Variants in UBR1 observed in about 807,000 individuals in gnomAD.
The protein encoded by UBR1 is ubiquitin protein ligase E3 component n-recognin 1, also known as E3 ubiquitin-protein ligase UBR1.
In UBR1, 102 loss-of-function variants were observed where a neutral mutation model predicts 242.1. The observed-to-expected ratio is 0.42, with a 90% CI of 0.36 to 0.50. The LOEUF (loss-of-function observed/expected upper bound fraction) is 0.50. UBR1 is among the 20% of genes least tolerant of loss of function. The probability of loss-of-function intolerance (pLI) is 0.01; values close to 1 mark genes in which losing one functional copy is unlikely to be tolerated. For synonymous variants in UBR1, 675 were observed against 684.8 expected (o/e 0.99, Z 0.22); for missense variants, 1,772 against 2,101.8 (o/e 0.84, Z 3.07).
At chr15:43,098,493 T>C (rs1047471188) in intron 1 of UBR1, among the ~76,000 whole-genome samples, 5 of 152,174 alleles carry the variant, frequency 3.3e-5, no homozygotes, top group African/African-American at 1.2e-4. Context: ...CTCAATAAAA[T>C]AAGGTATGCC....
At chr15:43,090,274 T>C (rs918875173) in intron 1 of UBR1, among the ~76,000 whole-genome samples, 3 of 152,156 alleles carry the variant, frequency 2.0e-5, no homozygotes, top group East Asian at 1.9e-4. Flanking sequence ...TACATTTACA[T>C]AGAGAAAAAT....
chr15:42,976,330 A>T (rs1224604756), intron 39 of UBR1, among the ~76,000 whole-genome samples: 2 of 152,198 alleles, frequency 1.3e-5, no homozygotes, highest in African/African-American at 4.8e-5. Context: ...CTAATGATAA[A>T]TGCTACAAGG....
intron 16 of UBR1, 134 bp from the exon 17 acceptor site, chr15:43,038,017 G>T (rs1427628876): frequency 5.0e-6 from 6 of 1,198,462 alleles, no homozygotes; most frequent in Non-Finnish European, 7.3e-6. Context: ...CTAAGTCCCT[G>T]TGACTCAGAT....
chr15:43,015,216 GAA>G (rs2033002260), intron 29 of UBR1, among the ~76,000 whole-genome samples: 2 of 152,236 alleles, frequency 1.3e-5, no homozygotes, highest in African/African-American at 4.8e-5. Context: ...GAAAGGTGGG[GAA>G]AAGATTGAGA....
intron 39 of UBR1, 130 bp downstream of exon 39, chr15:42,976,587 C>T (rs148666702): frequency 3.9e-6 from 2 of 515,350 alleles, no homozygotes; most frequent in Non-Finnish European, 5.7e-6. Context: ...CATTAAAAAA[C>T]AGATAATCAT....
chr15:43,056,560 C>A, intron 10 of UBR1, 118 bp from the exon 11 acceptor site: 1 of 659,412 alleles, frequency 1.5e-6, no homozygotes, highest in South Asian at 2.0e-5. Context: ...TAATATAATT[C>A]CTATTTATTA....
intron 19 of UBR1, among the ~76,000 whole-genome samples, chr15:43,035,132 GAAAA>G (rs566204831): frequency 2.0e-5 from 3 of 151,584 alleles, no homozygotes; most frequent in African/African-American, 7.3e-5. Context: ...TTCATGACAA[GAAAA>G]AAAACTTTTC....
In UBR1 at chr15:43,054,766, A is replaced by G. The variant is rs767077535; in HGVS notation, c.1415T>C (p.Val472Ala). 1 of 1,613,974 alleles carries G rather than the reference A, an allele frequency of 6.2e-7. No individual in the cohort carries two copies. The highest frequency in any genetic ancestry group is 1.1e-5 in the South Asian group (1 of 91,076). Residue 472 changes from valine to alanine, a missense_variant, in exon 12 of 47, where the codon GTA becomes GCA. Around this residue, in one of 3 missense-constraint regions of UBR1, gnomAD observed 734 missense variants for 893.3 expected, o/e 0.82. Coordinates refer to ENST00000290650, the MANE Select transcript of UBR1 (RefSeq NM_174916.3). ...QGYSQDKLGR[V>A]YAVICDLKYI... ...CTTTAGGTCACATATTACTGCATAT[A>G]CTCTTCCCAATTTGTCCTGGCTATA...
chr15:42,997,437 C>T (rs1042238124), intron 33 of UBR1, among the ~76,000 whole-genome samples: 9 of 152,250 alleles, frequency 5.9e-5, no homozygotes, highest in East Asian at 5.8e-4. Context: ...CCCCCTCATC[C>T]GAGGAAAAAC....
intron 25 of UBR1, 23 bp downstream of exon 25, chr15:43,024,806 G>T: frequency 2.5e-6 from 4 of 1,614,092 alleles, no homozygotes; most frequent in Non-Finnish European, 3.4e-6. Flanking sequence ...TTGATGTAGA[G>T]AAAATATTTC....
chr15:43,074,935 A>G (rs1395292224), intron 4 of UBR1, 44 bp downstream of exon 4: 2 of 1,444,766 alleles, frequency 1.4e-6, no homozygotes, highest in African/African-American at 2.8e-5. Context: ...TAATCTCAGC[A>G]AACTTAAAAT....
intron 45 of UBR1, 74 bp from the exon 46 acceptor site, chr15:42,950,437 C>T (rs2031815780): frequency 7.4e-7 from 1 of 1,347,126 alleles, no homozygotes; most frequent in African/African-American, 1.4e-5. Context: ...CAATGTTAAC[C>T]TAGAGAAAAG....
intron 4 of UBR1, among the ~76,000 whole-genome samples, chr15:43,073,575 A>G (rs2033850846): frequency 6.6e-6 from 1 of 152,216 alleles, no homozygotes; most frequent in African/African-American, 2.4e-5. Flanking sequence ...ACCAATTTTA[A>G]TAGTAAGAAA....
At chr15:43,068,184 ATT>A (rs545130203) in intron 5 of UBR1, 148 bp from the exon 6 acceptor site, 19,007 of 248,860 alleles carry the variant, frequency 0.076, 8 homozygotes, top group South Asian at 0.15. Flanking sequence ...ATAGAATTTG[ATT>A]TTTTTTTTTT....
At chr15:42,986,881 C>T (rs1319215259) in intron 35 of UBR1, among the ~76,000 whole-genome samples, 1 of 152,204 alleles carries the variant, frequency 6.6e-6, no homozygotes, top group African/African-American at 2.4e-5. Flanking sequence ...CAGGAAGACA[C>T]GGTCCCCACC....
At chr15:42,998,422 G>C (rs2141282487) in intron 32 of UBR1, among the ~76,000 whole-genome samples, 157 bp from the exon 33 acceptor site, 1 of 152,266 alleles carries the variant, frequency 6.6e-6, no homozygotes, top group African/African-American at 2.4e-5. Flanking sequence ...TAAAAATGTA[G>C]CTTTTTGGAA....
At chr15:43,053,159 A>G (rs1025852329) in intron 12 of UBR1, among the ~76,000 whole-genome samples, 3 of 152,170 alleles carry the variant, frequency 2.0e-5, no homozygotes, top group African/African-American at 7.2e-5. Flanking sequence ...AGGTTGGGAT[A>G]GAGGGGAGGA....
chr15:43,002,267 G>A (rs1320947621), intron 32 of UBR1, among the ~76,000 whole-genome samples: 1 of 152,166 alleles, frequency 6.6e-6, no homozygotes, highest in African/African-American at 2.4e-5. Flanking sequence ...AGGCTGGAGT[G>A]CAGTGGGGCA....
intron 12 of UBR1, among the ~76,000 whole-genome samples, chr15:43,050,385 G>A (rs2033539227): frequency 6.6e-6 from 1 of 152,030 alleles, no homozygotes; most frequent in South Asian, 2.1e-4. Flanking sequence ...GCATCTATAA[G>A]GAAAATAAAT....
Sources: allele counts gnomAD v4.1 joint callset (sites outside exome capture counted in the v4.1 genomes callset), GRCh38; gene constraint gnomAD v4.1.1; regional missense constraint gnomAD v4.1.1; transcripts MANE v1.5; gene names NCBI Gene and HGNC (gene_info 2026-07-23, HGNC 2026-07-21).